The following SMC3 variants were observed in gnomAD, a reference collection of about 807,000 sequenced individuals.
SMC3 encodes structural maintenance of chromosomes protein 3.
In SMC3, 20 loss-of-function variants were observed where a neutral mutation model predicts 171.8. The ratio of observed to expected loss-of-function variants is 0.12; its 90% CI spans 0.08 to 0.17. SMC3 has a LOEUF of 0.17. Among genes scored for constraint, SMC3 ranks in the 10% least tolerant of loss-of-function variants. The pLI is 1.00. For synonymous variants in SMC3, 464 were observed against 451.1 expected, an observed-to-expected ratio of 1.03 and a Z score of -0.36; for missense variants, 543 against 1,420.4, an observed-to-expected ratio of 0.38 and a Z score of 9.93.
chr10:110,585,017 A>C lies in SMC3; in HGVS notation c.1305+621A>C, dbSNP rs184722376. On this transcript the variant is annotated intron_variant, in intron 13 of 28. Transcript: ENST00000361804. ...ATATGTCTAAAATAGCTTGTTGGTAACTTTTTTTTTTTGAGATGGAGTTTG... is the reference window on the plus strand; with the variant it reads ...ATATGTCTAAAATAGCTTGTTGGTACCTTTTTTTTTTTGAGATGGAGTTTG... 5.9e-5 allele frequency among the ~76,000 whole-genome samples: 9 copies of C among 151,834 alleles called. No homozygotes were observed. The East Asian group carries it at 1.4e-3, about 23-fold the overall frequency.
Position 110,602,492 on chromosome 10 carries a change from G to C in SMC3, c.3124G>C (p.Glu1042Gln). ...TFKQVSKNFS[E>Q]VFQKLVPGGK... ...TTTTAAGGTATCTAAGAACTTCAGT[G>C]AAGTATTCCAGAAGTTAGTACCTGG... is the stretch of plus-strand genomic sequence containing the variant. Residue 1042 changes from glutamate to glutamine, a missense_variant, in exon 26 of 29, where the codon GAA becomes CAA. This residue lies in a region of SMC3 where 34 missense variants were observed against 59.1 expected (regional missense o/e 0.58). Transcript: ENST00000361804. The C allele has an allele frequency of 1.2e-6, 2 of 1,612,708 alleles. No homozygotes were observed. The highest frequency in any genetic ancestry group is 1.1e-5 in the South Asian group (1 of 91,024).
Position 110,567,714 on chromosome 10 carries a change from G to C in SMC3, c.-103G>C. On this transcript the variant is annotated 5_prime_UTR_variant, in exon 1 of 29. Coordinates refer to ENST00000361804, the MANE Select transcript of SMC3 (RefSeq NM_005445.4). The stretch of plus-strand genomic sequence containing the variant: ...CATTTTGTTTGGCTGAGGGGAGCGA[G>C]CGGCGCTTTGGGGGAGGGGTCGCGT... 2 of 1,423,074 alleles carry C rather than the reference G, an allele frequency of 1.4e-6. No homozygotes were observed. Among genetic ancestry groups the C allele is most frequent in the Non-Finnish European group, 2.0e-6 (2 of 1,014,432 alleles). 88.2% of individuals were successfully genotyped at this position (1,423,074 alleles called of 1,614,324 possible). A position where few individuals can be genotyped will look rare whatever the true frequency, so the allele number is the denominator to read the frequency against.
intron 12 of SMC3, 25 bp downstream of exon 12, chr10:110,583,987 T>A (rs972907786): frequency 6.2e-7 from 1 of 1,612,048 alleles, no homozygotes; most frequent in African/African-American, 1.3e-5. Flanking sequence ...ACCAACACTT[T>A]AACTTTCTAC....
At chr10:110,583,674 T>G (rs1861064790) in intron 11 of SMC3, 126 bp downstream of exon 11, 1 of 1,198,934 alleles carries the variant, frequency 8.3e-7, no homozygotes, top group Non-Finnish European at 1.2e-6. Context: ...TAGCATAATT[T>G]GTACTCAAGT....
chr10:110,578,849 TC>T, intron 7 of SMC3, 143 bp downstream of exon 7: 2 of 655,408 alleles, frequency 3.1e-6, no homozygotes, highest in East Asian at 2.7e-5. Flanking sequence ...ACCAAATAGG[TC>T]CATTGCATGT....
Position 110,601,178 on chromosome 10 carries a change from A to G in SMC3, c.2644+48A>G, listed in dbSNP as rs11195213. Reference sequence around the variant, plus strand: ...TTTGTTTATATGCATGTTTTATAAAATTGTTTACTACAGAATGAAATGTCC... The same window carrying G: ...TTTGTTTATATGCATGTTTTATAAAGTTGTTTACTACAGAATGAAATGTCC... On this transcript the variant is annotated intron_variant, in intron 23 of 28. Transcript: ENST00000361804. 161,796 of 1,295,924 alleles carry G rather than the reference A, an allele frequency of 0.12. 11,806 individuals are homozygous for G. Among genetic ancestry groups the G allele is most frequent in the East Asian group, 0.3 (12,841 of 43,392 alleles). 80.3% of individuals were successfully genotyped at this position (1,295,924 alleles called of 1,614,324 possible).
rs373427747 is a variant in SMC3 at position 110,583,990 on chromosome 10, C to T, written c.1091+28C>T. On this transcript the variant is annotated intron_variant, in intron 12 of 28. Coordinates refer to ENST00000361804, the MANE Select transcript of SMC3 (RefSeq NM_005445.4). ...CTGAGAACTTTCACCAACACTTTAA[C>T]TTTCTACATCATATTATGTAAAACT... is the stretch of plus-strand genomic sequence containing the variant. 18 of 1,611,438 alleles carry T rather than the reference C, an allele frequency of 1.1e-5. No individual in the cohort carries two copies. In the East Asian group the frequency reaches 3.1e-4, roughly 28 times the overall value.
Position 110,605,477 on chromosome 10 carries a change from T to G in SMC3, c.*1175T>G, listed in dbSNP as rs35835625. Reference sequence around the variant, plus strand: ...TTTATACTGGTTATCTGCAGGAGAATTTGTTAGGAGCTACTCTTCCATCAT... The same window carrying G: ...TTTATACTGGTTATCTGCAGGAGAAGTTGTTAGGAGCTACTCTTCCATCAT... On this transcript the variant is annotated 3_prime_UTR_variant, in exon 29 of 29. Coordinates refer to ENST00000361804, the MANE Select transcript of SMC3 (RefSeq NM_005445.4). 4.7e-3 allele frequency among the ~76,000 whole-genome samples: 721 copies of G among 152,262 alleles called. 4 individuals are homozygous for G. Among genetic ancestry groups the G allele is most frequent in the Non-Finnish European group, 8.5e-3 (576 of 68,010 alleles).
rs1860794536 is a variant in SMC3, at chr10:110,567,774, C to T, written c.-43C>T. The T allele has an allele frequency of 5.0e-6, 8 of 1,612,982 alleles. No individual in the cohort carries two copies. In the East Asian group the frequency reaches 1.6e-4, roughly 31 times the overall value. On this transcript the variant is annotated 5_prime_UTR_variant, in exon 1 of 29. Coordinates refer to ENST00000361804, the MANE Select transcript of SMC3 (RefSeq NM_005445.4). ...ACCTGACCCTGCGGCCGTGCGGTTGCTGCTCCGGGGCAGGTCTCCTTCCAG... is the reference window on the plus strand; with the variant it reads ...ACCTGACCCTGCGGCCGTGCGGTTGTTGCTCCGGGGCAGGTCTCCTTCCAG...
chr10:110,600,850 C>T (rs1162594517), intron 22 of SMC3, among the ~76,000 whole-genome samples, 172 bp from the exon 23 acceptor site: 1 of 152,008 alleles, frequency 6.6e-6, no homozygotes, highest in Non-Finnish European at 1.5e-5. Flanking sequence ...TAGAAATTTT[C>T]TAGTAATTGT....
chr10:110,594,386 A>G (rs1861261971), intron 18 of SMC3, among the ~76,000 whole-genome samples: 2 of 152,058 alleles, frequency 1.3e-5, no homozygotes, highest in African/African-American at 4.8e-5. Flanking sequence ...AATAGCTACC[A>G]TAAGTTTGAA....
rs1861076241 is a variant in SMC3, at chr10:110,584,395, A to G, written c.1304A>G (p.Asn435Ser). The G allele has an allele frequency of 1.2e-6, 2 of 1,604,110 alleles. No homozygotes were observed. The highest frequency in any genetic ancestry group is 1.7e-5 in the Admixed American group (1 of 59,872). ...ANKEKNLEQY[N>S]KLDQDLNEVK... ...AAAGAGAAAAATCTGGAGCAGTATAATGTAAGAACTTCTATAGCTGCTTTG... is the reference window on the plus strand; with the variant it reads ...AAAGAGAAAAATCTGGAGCAGTATAGTGTAAGAACTTCTATAGCTGCTTTG... Residue 435 changes from asparagine (N) to serine (S), a missense_variant and splice_region_variant, in exon 13 of 29, where the codon AAT (asparagine) becomes AGT (serine). Transcript: ENST00000361804.
intron 15 of SMC3, 64 bp downstream of exon 15, chr10:110,590,055 ATTT>A: frequency 7.0e-7 from 1 of 1,421,672 alleles, no homozygotes; most frequent in Non-Finnish European, 9.9e-7. Flanking sequence ...TTATGTAATA[ATTT>A]TTTACCTTTC....
At chr10:110,595,803 T>A (rs1313231522) in intron 18 of SMC3, among the ~76,000 whole-genome samples, 3 of 152,114 alleles carry the variant, frequency 2.0e-5, no homozygotes, top group Non-Finnish European at 4.4e-5. Context: ...ATGCTCAAAT[T>A]TTCCCAAATA....
At chr10:110,595,917 C>CTTTTTTTT (rs10639343) in intron 18 of SMC3, among the ~76,000 whole-genome samples, 3 of 101,602 alleles carry the variant, frequency 3.0e-5, no homozygotes, top group African/African-American at 4.0e-5. Flanking sequence ...ACTGGAGGTT[C>CTTTTTTTT]TTTTTTTTTT....
intron 2 of SMC3, among the ~76,000 whole-genome samples, chr10:110,572,295 A>G (rs1860883877): frequency 1.3e-5 from 2 of 152,226 alleles, no homozygotes; most frequent in South Asian, 4.1e-4. Context: ...CAACTTAAGT[A>G]AATTTAATAC....
At position 110,605,223 on chromosome 10, in the gene SMC3, A is replaced by T. The variant is rs1861450348; in HGVS notation, c.*921A>T. On this transcript the variant is annotated 3_prime_UTR_variant, in exon 29 of 29. Coordinates refer to ENST00000361804, the MANE Select transcript of SMC3 (RefSeq NM_005445.4). ...TGCCAGGTTTCTTTGTTGTGAAGTT[A>T]CATTTTTTTCCCTTTCCATACTACT... Among the ~76,000 whole-genome samples, 1 of 152,110 alleles carries T rather than the reference A, an allele frequency of 6.6e-6. No individual in the cohort carries two copies.
chr10:110,583,988 A>C, intron 12 of SMC3, 26 bp downstream of exon 12: 1 of 1,612,068 alleles, frequency 6.2e-7, no homozygotes, highest in Non-Finnish European at 8.5e-7. Flanking sequence ...CCAACACTTT[A>C]ACTTTCTACA....
chr10:110,573,002 A>G (rs74460711), intron 2 of SMC3, among the ~76,000 whole-genome samples: 1,780 of 152,230 alleles, frequency 0.012, 11 homozygotes, highest in Non-Finnish European at 0.018. Context: ...TAAAAAGTAC[A>G]TCCTTTCTGG....
Sources: allele counts gnomAD v4.1 joint callset (sites outside exome capture counted in the v4.1 genomes callset), GRCh38; gene constraint gnomAD v4.1.1; regional missense constraint gnomAD v4.1.1; transcripts MANE v1.5; gene names NCBI Gene and HGNC (gene_info 2026-07-23, HGNC 2026-07-21).